GRIK2: variants seen among roughly 807,000 people sequenced by gnomAD.
The protein encoded by GRIK2 is glutamate ionotropic receptor kainate type subunit 2.
GRIK2 carries 32 observed loss-of-function variants against 100.3 expected under a neutral mutation model. The ratio of observed to expected loss-of-function variants is 0.32; its 90% CI spans 0.24 to 0.43. The LOEUF is 0.43. GRIK2 is among the 20% of genes least tolerant of loss of function. GRIK2 has a pLI of 1.00. For missense variants in GRIK2, 843 were observed against 1,114.9 expected (o/e 0.76, Z 3.47); for synonymous variants, 417 against 389.4 (o/e 1.07, Z -0.83).
chr6:101,768,940 C>T (rs1031334765), intron 7 of GRIK2, among the ~76,000 whole-genome samples: 1 of 152,048 alleles, frequency 6.6e-6, no homozygotes, highest in Non-Finnish European at 1.5e-5. Flanking sequence ...GAAATATTTA[C>T]TATTTTTCTG....
Position 101,998,503 on chromosome 6 carries a change from G to A in GRIK2, c.2086-36838G>A, listed in dbSNP as rs555140728. Among the ~76,000 whole-genome samples the A allele has an allele frequency of 3.9e-5, 6 of 151,996 alleles. No homozygotes were observed. The South Asian group carries it at 1.2e-3, about 32-fold the overall frequency. ...CTGATTTATGTAGGGTTTTTTTGCT[G>A]TTTCGGATTGTGTTTTTGTTGTCTT... is the stretch of plus-strand genomic sequence containing the variant. On this transcript the variant is annotated intron_variant, in intron 14 of 16. Transcript: ENST00000369134.
intron 7 of GRIK2, among the ~76,000 whole-genome samples, chr6:101,789,736 T>A (rs1039937997): frequency 3.3e-5 from 5 of 152,236 alleles, no homozygotes; most frequent in African/African-American, 1.2e-4. Flanking sequence ...TTTCCAATTC[T>A]GTGAAGAAAG....
chr6:101,908,491 A>G (rs1165418797), intron 12 of GRIK2, among the ~76,000 whole-genome samples: 1 of 151,328 alleles, frequency 6.6e-6, no homozygotes, highest in East Asian at 1.9e-4. Context: ...TCTTTTTAGT[A>G]CATTACAGAT....
intron 12 of GRIK2, among the ~76,000 whole-genome samples, chr6:101,893,771 C>T (rs548476272): frequency 6.6e-6 from 1 of 151,574 alleles, no homozygotes; most frequent in East Asian, 1.9e-4. Flanking sequence ...ATTGGCTACC[C>T]GTAAGTACTA....
At position 101,595,712 on chromosome 6, in the gene GRIK2, G is replaced by GTATATATA. The variant is rs1162539380; in HGVS notation, c.116-26236_116-26235insATATATAT. Among the ~76,000 whole-genome samples, 254 of 131,490 alleles carry GTATATATA rather than the reference G, an allele frequency of 1.9e-3. 3 individuals are homozygous for GTATATATA. In the South Asian group the frequency reaches 0.031, roughly 16 times the overall value. The allele number at this position is 131,490 out of a possible 152,430, so 86.3% of individuals were successfully genotyped here. ...TGTATATATATATGTGTGTGTGTGT[G>GTATATATA]TGTGTGTATATATATATATATATAT... On this transcript the variant is annotated intron_variant, in intron 2 of 16. Coordinates refer to ENST00000369134, the MANE Select transcript of GRIK2 (RefSeq NM_021956.5).
At chr6:101,756,440 TATAATCTGAAA>T (rs1014398913) in intron 7 of GRIK2, among the ~76,000 whole-genome samples, 1 of 151,356 alleles carries the variant, frequency 6.6e-6, no homozygotes, top group Non-Finnish European at 1.5e-5. Context: ...TGGTTACATT[TATAATCTGAAA>T]ATAATCTGAA....
chr6:101,782,529 A>T (rs1352927449), intron 7 of GRIK2, among the ~76,000 whole-genome samples: 3 of 152,208 alleles, frequency 2.0e-5, no homozygotes, highest in Non-Finnish European at 4.4e-5. Flanking sequence ...GCTGCAAATG[A>T]CATGATTTCA....
intron 10 of GRIK2, among the ~76,000 whole-genome samples, chr6:101,842,632 A>G (rs1783583416): frequency 6.6e-6 from 1 of 152,200 alleles, no homozygotes; most frequent in African/African-American, 2.4e-5. Context: ...ATTGATTACA[A>G]AAGGCAGCAG....
intron 7 of GRIK2, among the ~76,000 whole-genome samples, chr6:101,686,822 A>G (rs1191870727): frequency 6.6e-6 from 1 of 152,138 alleles, no homozygotes; most frequent in African/African-American, 2.4e-5. Flanking sequence ...AGACTAATCA[A>G]TAATCACATT....
intron 2 of GRIK2, among the ~76,000 whole-genome samples, chr6:101,481,268 A>G (rs1047562852): frequency 3.9e-5 from 6 of 152,166 alleles, no homozygotes; most frequent in Non-Finnish European, 5.9e-5. Context: ...TTGGTATATG[A>G]AATTAATGCA....
intron 2 of GRIK2, among the ~76,000 whole-genome samples, chr6:101,494,971 T>TTTTATATATATATATATATATA (rs1554209024): frequency 6.5e-5 from 7 of 107,956 alleles, no homozygotes; most frequent in East Asian, 2.7e-4. Flanking sequence ...ATATATGCAT[T>TTTTATATATATATATATATATA]TATATATATA....
At chr6:101,444,655 G>A (rs1331302807) in intron 2 of GRIK2, among the ~76,000 whole-genome samples, 2 of 151,950 alleles carry the variant, frequency 1.3e-5, no homozygotes, top group Non-Finnish European at 2.9e-5. Context: ...TTCAATTCAG[G>A]AATTGCAATC....
At chr6:101,503,752 T>G (rs1773886716) in intron 2 of GRIK2, among the ~76,000 whole-genome samples, 1 of 152,300 alleles carries the variant, frequency 6.6e-6, no homozygotes, top group South Asian at 2.1e-4. Flanking sequence ...CTTTTAACAC[T>G]TTTCCCTGTT....
intron 7 of GRIK2, among the ~76,000 whole-genome samples, chr6:101,765,139 G>C (rs1402289796): frequency 6.6e-6 from 1 of 152,052 alleles, no homozygotes; most frequent in African/African-American, 2.4e-5. Context: ...AGCCTTCTCT[G>C]AGTCCCCCAA....
chr6:101,919,548 C>T (rs967399580), intron 12 of GRIK2, among the ~76,000 whole-genome samples: 11 of 151,618 alleles, frequency 7.3e-5, no homozygotes, highest in African/African-American at 2.7e-4. Flanking sequence ...TAGGAAGTTA[C>T]AGAGATGGAT....
intron 14 of GRIK2, among the ~76,000 whole-genome samples, chr6:101,970,785 GTC>G (rs1322721510): frequency 6.8e-6 from 1 of 147,166 alleles, no homozygotes; most frequent in Non-Finnish European, 1.5e-5. Context: ...TCTGAGTCCT[GTC>G]TCTGCAGTTA....
intron 7 of GRIK2, among the ~76,000 whole-genome samples, chr6:101,689,746 A>G (rs1448593660): frequency 6.6e-6 from 1 of 152,112 alleles, no homozygotes; most frequent in African/African-American, 2.4e-5. Context: ...AACATATGAT[A>G]TCCCACTTTT....
chr6:101,678,044 C>T (rs1770970736), intron 5 of GRIK2, among the ~76,000 whole-genome samples: 1 of 151,920 alleles, frequency 6.6e-6, no homozygotes, highest in Non-Finnish European at 1.5e-5. Flanking sequence ...CACATAATTC[C>T]CAAACAATTC....
At chr6:101,688,588 A>G (rs1006866011) in intron 7 of GRIK2, among the ~76,000 whole-genome samples, 1 of 151,942 alleles carries the variant, frequency 6.6e-6, no homozygotes, top group African/African-American at 2.4e-5. Flanking sequence ...GCACGAGTCT[A>G]TTCCTCTTCT....
Sources: gnomAD v4.1 joint callset for allele counts (sites outside exome capture counted in the v4.1 genomes callset) on GRCh38, gnomAD v4.1.1 for gene constraint, MANE v1.5 for transcripts, NCBI Gene and HGNC (gene_info 2026-07-23, HGNC 2026-07-21) for gene names.